Variants in NKAIN3 observed in about 807,000 individuals in gnomAD.
NKAIN3 encodes the protein sodium/potassium-transporting ATPase subunit beta-1-interacting protein 3.
In NKAIN3, 25 loss-of-function variants were observed where a neutral mutation model predicts 30.2. The observed-to-expected ratio is 0.83, with a 90% CI of 0.60 to 1.16. NKAIN3 has a LOEUF of 1.16. NKAIN3 is among the 50% of genes most tolerant of loss of function. The probability of loss-of-function intolerance (pLI) is 0.00; values close to 1 mark genes in which losing one functional copy is unlikely to be tolerated. For missense variants in NKAIN3, 225 were observed against 254.1 expected, an observed-to-expected ratio of 0.89 and a Z score of 0.78; for synonymous variants, 91 against 89.6, an observed-to-expected ratio of 1.02 and a Z score of -0.09.
chr8:62,571,518 C>G (rs957631279), intron 1 of NKAIN3, among the ~76,000 whole-genome samples: 1 of 152,102 alleles, frequency 6.6e-6, no homozygotes, highest in African/African-American at 2.4e-5. Context: ...GATGGTGACC[C>G]TCTTCTCACA....
At chr8:62,495,750 A>G (rs1807218391) in intron 1 of NKAIN3, among the ~76,000 whole-genome samples, 1 of 152,104 alleles carries the variant, frequency 6.6e-6, no homozygotes, top group Admixed American at 6.6e-5. Context: ...TACCTAATTT[A>G]ATATTTCAAC....
intron 3 of NKAIN3, among the ~76,000 whole-genome samples, chr8:62,593,719 C>T (rs1350382963): frequency 2.6e-5 from 4 of 151,666 alleles, no homozygotes; most frequent in South Asian, 2.1e-4. Context: ...CAGAAACAAC[C>T]GGTATGCAAT....
chr8:62,517,419 G>A (rs1244191973), intron 1 of NKAIN3, among the ~76,000 whole-genome samples: 1 of 152,100 alleles, frequency 6.6e-6, no homozygotes, highest in African/African-American at 2.4e-5. Flanking sequence ...ACAAGTGCAT[G>A]GAATCTTCAC....
chr8:62,945,817 T>G (rs927279133), intron 5 of NKAIN3, among the ~76,000 whole-genome samples: 1 of 152,066 alleles, frequency 6.6e-6, no homozygotes, highest in Non-Finnish European at 1.5e-5. Flanking sequence ...TCCAGACTCT[T>G]GGGGATTGCC....
intron 5 of NKAIN3, among the ~76,000 whole-genome samples, chr8:62,996,749 T>C (rs770941023): frequency 7.2e-5 from 11 of 152,174 alleles, no homozygotes; most frequent in Non-Finnish European, 1.5e-4. Context: ...ACAGACACCA[T>C]GCAAGTCCAA....
intron 4 of NKAIN3, among the ~76,000 whole-genome samples, chr8:62,859,522 C>T (rs1223476417): frequency 2.6e-4 from 6 of 23,416 alleles, no homozygotes; most frequent in Admixed American, 3.8e-4. Context: ...AAAAAAAAAA[C>T]TTCATGGAAG....
intron 1 of NKAIN3, among the ~76,000 whole-genome samples, chr8:62,367,234 C>A (rs1378911185): frequency 6.6e-6 from 1 of 152,038 alleles, no homozygotes; most frequent in Non-Finnish European, 1.5e-5. Flanking sequence ...TGCTAGCTTA[C>A]CCTGATACCA....
At chr8:62,761,395 C>T (rs1013879124) in intron 4 of NKAIN3, among the ~76,000 whole-genome samples, 6 of 152,096 alleles carry the variant, frequency 3.9e-5, no homozygotes, top group South Asian at 2.1e-4. Flanking sequence ...TTAGAGTATG[C>T]GAATCAGAAG....
chr8:62,508,007 G>A (rs1807696082), intron 1 of NKAIN3, among the ~76,000 whole-genome samples: 1 of 152,292 alleles, frequency 6.6e-6, no homozygotes, highest in African/African-American at 2.4e-5. Flanking sequence ...GGCTCATCTG[G>A]GACAGATATC....
At chr8:62,876,315 A>G (rs1820791558) in intron 4 of NKAIN3, among the ~76,000 whole-genome samples, 1 of 152,186 alleles carries the variant, frequency 6.6e-6, no homozygotes, top group Non-Finnish European at 1.5e-5. Flanking sequence ...AGGAAACAAT[A>G]GATACTGGTG....
At position 62,782,566 on chromosome 8, in the gene NKAIN3, T is replaced by C. The variant is rs185512318; in HGVS notation, c.471+35437T>C. Among the ~76,000 whole-genome samples, 449 of 151,882 alleles carry C rather than the reference T, an allele frequency of 3.0e-3. 1 individual carries two copies. The highest frequency in any genetic ancestry group is 0.024 in the Middle Eastern group (7 of 294). ...ATGGATAAAGAAAATGTGGCACATA[T>C]ACATAATGGGAATACTATCTGGTCA... is the stretch of plus-strand genomic sequence containing the variant. On this transcript the variant is annotated intron_variant, in intron 4 of 6. Transcript: ENST00000623646.
At chr8:62,788,162 A>G (rs1420091684) in intron 4 of NKAIN3, among the ~76,000 whole-genome samples, 3 of 152,160 alleles carry the variant, frequency 2.0e-5, no homozygotes, top group Non-Finnish European at 4.4e-5. Context: ...CAACAGTGTA[A>G]AAGTGTTCCT....
intron 4 of NKAIN3, among the ~76,000 whole-genome samples, chr8:62,882,384 T>C (rs1331205878): frequency 6.6e-6 from 1 of 152,176 alleles, no homozygotes; most frequent in African/African-American, 2.4e-5. Context: ...AATGACGCGA[T>C]CTCTGCTCAA....
rs115468777 is a variant in NKAIN3 at position 62,583,754 on chromosome 8, G to A, written c.192+4078G>A. On this transcript the variant is annotated intron_variant, in intron 2 of 6. Transcript: ENST00000623646. Reference sequence around the variant, plus strand: ...CATTGTCAGTATAAGTTGTGATATAGGAAACAGTCTTGGCCTACCTCCCAG... The same window carrying A: ...CATTGTCAGTATAAGTTGTGATATAAGAAACAGTCTTGGCCTACCTCCCAG... Among the ~76,000 whole-genome samples, 209 of 152,210 alleles carry A rather than the reference G, an allele frequency of 1.4e-3. 1 individual carries two copies. Among genetic ancestry groups the A allele is most frequent in the African/African-American group, 4.7e-3 (196 of 41,536 alleles).
chr8:62,802,533 G>C (rs1020481117), intron 4 of NKAIN3, among the ~76,000 whole-genome samples: 99 of 152,234 alleles, frequency 6.5e-4, no homozygotes, highest in Non-Finnish European at 1.3e-3. Context: ...AAGTGAAGGA[G>C]AAATAAAATA....
At position 62,650,707 on chromosome 8, in the gene NKAIN3, G is replaced by A. The variant is rs187910884; in HGVS notation, c.273+60913G>A. ...CACCAGTTAAGGACCAAAGTATGACGTGGGAATATTGAGCTCTCAGGTAGA... is the reference window on the plus strand; with the variant it reads ...CACCAGTTAAGGACCAAAGTATGACATGGGAATATTGAGCTCTCAGGTAGA... On this transcript the variant is annotated intron_variant, in intron 3 of 6. Coordinates refer to ENST00000623646, the MANE Select transcript of NKAIN3 (RefSeq NM_001304533.3). 1.2e-3 allele frequency among the ~76,000 whole-genome samples: 189 copies of A among 152,232 alleles called. No homozygotes were observed. The East Asian group carries it at 0.016, about 13-fold the overall frequency.
At chr8:62,758,105 T>C (rs772230386) in intron 4 of NKAIN3, among the ~76,000 whole-genome samples, 10 of 152,170 alleles carry the variant, frequency 6.6e-5, no homozygotes, top group Non-Finnish European at 1.3e-4. Flanking sequence ...TTGACTGGCA[T>C]CATGTTATAC....
At chr8:62,264,882 A>G (rs1812558009) in intron 1 of NKAIN3, among the ~76,000 whole-genome samples, 1 of 151,972 alleles carries the variant, frequency 6.6e-6, no homozygotes, top group Non-Finnish European at 1.5e-5. Context: ...CACTAGCCAC[A>G]TGTTTTGTGA....
Position 62,772,818 on chromosome 8 carries a change from G to A in NKAIN3, c.471+25689G>A, listed in dbSNP as rs376571112. ...TGGGACTACAAACGCACGCTGCCAC[G>A]TCCAACTAATTTTTGTATTTTTAGT... On this transcript the variant is annotated intron_variant, in intron 4 of 6. Coordinates refer to ENST00000623646, the MANE Select transcript of NKAIN3 (RefSeq NM_001304533.3). 1.1e-4 allele frequency among the ~76,000 whole-genome samples: 17 copies of A among 151,708 alleles called. 1 individual carries two copies. The East Asian group carries it at 2.3e-3, about 21-fold the overall frequency.
Sources: allele counts gnomAD v4.1 joint callset (sites outside exome capture counted in the v4.1 genomes callset), GRCh38; gene constraint gnomAD v4.1.1; transcripts MANE v1.5; gene names NCBI Gene and HGNC (gene_info 2026-07-23, HGNC 2026-07-21).